Variants in PCDHA6 observed in about 807,000 individuals in gnomAD.
PCDHA6 encodes protocadherin alpha-6.
PCDHA6 carries 55 observed loss-of-function variants against 60.3 expected under a neutral mutation model. The ratio of observed to expected loss-of-function variants is 0.91; its 90% CI spans 0.73 to 1.14. PCDHA6 has a LOEUF of 1.14. Among genes scored for constraint, PCDHA6 ranks in the 50% most tolerant of loss-of-function variants. The pLI is 0.00. For synonymous variants in PCDHA6, 652 were observed against 557.9 expected, an observed-to-expected ratio of 1.17 and a Z score of -2.38; for missense variants, 1,327 against 1,256.5, an observed-to-expected ratio of 1.06 and a Z score of -0.85.
intron 1 of PCDHA6, among the ~76,000 whole-genome samples, chr5:140,917,117 C>T (rs1318149439): frequency 3.3e-5 from 5 of 152,018 alleles, no homozygotes; most frequent in South Asian, 2.1e-4. Flanking sequence ...CCTCCAAGTG[C>T]GCAGACTCCC....
Position 140,882,692 on chromosome 5 carries a change from AT to A in PCDHA6, c.2394+52209del, listed in dbSNP as rs782355155. On this transcript the variant is annotated intron_variant, in intron 1 of 3. Coordinates refer to ENST00000529310, the MANE Select transcript of PCDHA6 (RefSeq NM_018909.4). The stretch of plus-strand genomic sequence containing the variant: ...CCCTGAAAGCAAGAAACGAATAATC[AT>A]TGCAGAATCTAGACCTCCGGAAACT... The A allele has an allele frequency of 2.1e-5, 34 of 1,614,204 alleles. No individual in the cohort carries two copies. In the South Asian group the frequency reaches 3.5e-4, roughly 17 times the overall value.
intron 1 of PCDHA6, chr5:140,835,818 G>A: frequency 6.2e-7 from 1 of 1,612,692 alleles, no homozygotes; most frequent in Non-Finnish European, 8.5e-7. Flanking sequence ...CACTGTGTCG[G>A]CGGGGGACGC....
intron 1 of PCDHA6, among the ~76,000 whole-genome samples, chr5:140,891,998 A>C (rs1336951985): frequency 2.6e-5 from 4 of 152,200 alleles, no homozygotes; most frequent in Non-Finnish European, 5.9e-5. Flanking sequence ...AGTCTGTGGC[A>C]TTCTGTTATA....
At chr5:140,870,962 C>T (rs1489353896) in intron 1 of PCDHA6, 3 of 1,613,532 alleles carry the variant, frequency 1.9e-6, no homozygotes, top group Admixed American at 1.7e-5. Context: ...TCGCGCATCC[C>T]GTTCCGCGTG....
chr5:140,851,644 C>A, intron 1 of PCDHA6: 1 of 913,486 alleles, frequency 1.1e-6, no homozygotes, highest in Non-Finnish European at 1.3e-6. Flanking sequence ...TTCCTTTCTT[C>A]AAGAAGACAT....
intron 1 of PCDHA6, among the ~76,000 whole-genome samples, chr5:140,908,466 C>T (rs2073988233): frequency 6.6e-6 from 1 of 152,134 alleles, no homozygotes. Flanking sequence ...TCAGAAAGCA[C>T]CCAGTTCATG....
At chr5:140,888,321 A>G (rs2061786627) in intron 1 of PCDHA6, among the ~76,000 whole-genome samples, 1 of 152,176 alleles carries the variant, frequency 6.6e-6, no homozygotes, top group Non-Finnish European at 1.5e-5. Flanking sequence ...ATGCCTGGAT[A>G]CATTTTTGGT....
chr5:140,905,154 A>C (rs2071632233), intron 1 of PCDHA6, among the ~76,000 whole-genome samples: 1 of 152,040 alleles, frequency 6.6e-6, no homozygotes, highest in Admixed American at 6.6e-5. Context: ...ATATTTTAGA[A>C]TTTTCATGGT....
chr5:140,959,000 G>A (rs1239762631), intron 1 of PCDHA6, among the ~76,000 whole-genome samples: 1 of 151,884 alleles, frequency 6.6e-6, no homozygotes, highest in Admixed American at 6.6e-5. Flanking sequence ...ATCTTTTACT[G>A]TACCTAATTT....
At chr5:140,952,721 G>A (rs781821007) in intron 1 of PCDHA6, among the ~76,000 whole-genome samples, 1 of 152,100 alleles carries the variant, frequency 6.6e-6, no homozygotes, top group Non-Finnish European at 1.5e-5. Context: ...TCAATTTTCT[G>A]TACTAGTCTT....
At position 141,010,158 on chromosome 5, in the gene PCDHA6, GT is replaced by G. The variant is rs1563735803; in HGVS notation, c.*225del. 1.3e-6 allele frequency: 2 copies of G among 1,570,690 alleles called. No homozygotes were observed. The highest frequency in any genetic ancestry group is 1.7e-6 in the Non-Finnish European group (2 of 1,156,884). ...TAACTCTTTCTCTCCACTCTGGCTT[GT>G]TTTCAGAACCTAAAAAGCAGACCCA... On this transcript the variant is annotated 3_prime_UTR_variant, in exon 4 of 4. Coordinates refer to ENST00000529310, the MANE Select transcript of PCDHA6 (RefSeq NM_018909.4).
intron 1 of PCDHA6, chr5:140,870,890 T>C: frequency 6.2e-7 from 1 of 1,613,954 alleles, no homozygotes; most frequent in Non-Finnish European, 8.5e-7. Flanking sequence ...GTGCGCGCAG[T>C]GGATGCGGAC....
intron 1 of PCDHA6, chr5:140,926,925 G>C (rs1554203816): frequency 6.4e-7 from 1 of 1,574,118 alleles, no homozygotes; most frequent in South Asian, 1.2e-5. Context: ...TTTTATGTTT[G>C]TGGGTTTCCT....
chr5:140,926,944 G>A, intron 1 of PCDHA6: 1 of 1,588,324 alleles, frequency 6.3e-7, no homozygotes, highest in Non-Finnish European at 8.6e-7. Flanking sequence ...CTGCGGCGCT[G>A]CAGCGGGACA....
At chr5:140,932,312 T>C (rs2088188856) in intron 1 of PCDHA6, among the ~76,000 whole-genome samples, 1 of 151,922 alleles carries the variant, frequency 6.6e-6, no homozygotes, top group Admixed American at 6.6e-5. Context: ...GGTATAAATA[T>C]ATTAATGTAG....
At chr5:140,957,900 G>A (rs2095395670) in intron 1 of PCDHA6, among the ~76,000 whole-genome samples, 1 of 151,932 alleles carries the variant, frequency 6.6e-6, no homozygotes, top group South Asian at 2.1e-4. Flanking sequence ...CATCAACCAA[G>A]GCATATTGTT....
intron 1 of PCDHA6, chr5:140,875,983 G>A: frequency 6.2e-7 from 1 of 1,613,992 alleles, no homozygotes; most frequent in Non-Finnish European, 8.5e-7. Context: ...TTTGACCTAT[G>A]CGTTAAGTCT....
intron 1 of PCDHA6, among the ~76,000 whole-genome samples, chr5:140,938,921 T>C (rs2092266107): frequency 6.6e-6 from 1 of 151,840 alleles, no homozygotes; most frequent in Non-Finnish European, 1.5e-5. Context: ...GCACAAGAAA[T>C]TGGCTTTTAA....
intron 1 of PCDHA6, chr5:140,836,516 G>C: frequency 6.2e-7 from 1 of 1,613,880 alleles, no homozygotes; most frequent in Non-Finnish European, 8.5e-7. Flanking sequence ...CCAGTCTGTT[G>C]GTGCTTACCC....
Sources: allele counts gnomAD v4.1 joint callset (sites outside exome capture counted in the v4.1 genomes callset), GRCh38; gene constraint gnomAD v4.1.1; transcripts MANE v1.5; gene names NCBI Gene and HGNC (gene_info 2026-07-23, HGNC 2026-07-21).